The following RAB8B variants were observed in gnomAD, a reference collection of about 807,000 sequenced individuals.
The protein encoded by RAB8B is ras-related protein Rab-8B.
In RAB8B, 11 loss-of-function variants were observed where a neutral mutation model predicts 32.0. The ratio of observed to expected loss-of-function variants is 0.34; its 90% CI spans 0.22 to 0.57. The LOEUF (loss-of-function observed/expected upper bound fraction) is 0.57. Among genes scored for constraint, RAB8B ranks in the 20% least tolerant of loss-of-function variants. The probability of loss-of-function intolerance (pLI) is 0.86; values close to 1 mark genes in which losing one functional copy is unlikely to be tolerated. For missense variants in RAB8B, 190 were observed against 258.5 expected, an observed-to-expected ratio of 0.73 and a Z score of 1.82; for synonymous variants, 103 against 89.6, an observed-to-expected ratio of 1.15 and a Z score of -0.85.
chr15:63,255,354 G>C (rs2038150889), intron 3 of RAB8B, among the ~76,000 whole-genome samples, 153 bp from the exon 4 acceptor site: 1 of 152,036 alleles, frequency 6.6e-6, no homozygotes, highest in Non-Finnish European at 1.5e-5. Flanking sequence ...ATTGATTTTT[G>C]TTTCTCTGTA....
chr15:63,202,273 G>A (rs757853233), intron 1 of RAB8B, among the ~76,000 whole-genome samples: 13 of 101,822 alleles, frequency 1.3e-4, no homozygotes, highest in African/African-American at 3.5e-4. Context: ...GCGAGACTCC[G>A]TCTCAAAAAG....
chr15:63,262,757 T>C lies in RAB8B; in HGVS notation c.531+15T>C, dbSNP rs760703211. On this transcript the variant is annotated intron_variant, in intron 7 of 7. Transcript: ENST00000321437. ...ACAGAAAAATGGTTTGTATCACTTA[T>C]AATTTTTATTTCCATTATGCTGTCT... 4.4e-6 allele frequency: 6 copies of C among 1,355,992 alleles called. No individual in the cohort carries two copies. The highest frequency in any genetic ancestry group is 2.8e-5 in the Admixed American group (1 of 35,188). 84.0% of individuals were successfully genotyped at this position (1,355,992 alleles called of 1,614,324 possible). A position where few individuals can be genotyped will look rare whatever the true frequency, so the allele number is the denominator to read the frequency against.
At chr15:63,227,213 G>C (rs1227646617) in intron 1 of RAB8B, among the ~76,000 whole-genome samples, 3 of 152,166 alleles carry the variant, frequency 2.0e-5, no homozygotes. Context: ...CCCAGCTCCT[G>C]TTTAAGATGG....
At chr15:63,204,622 A>C (rs573918246) in intron 1 of RAB8B, among the ~76,000 whole-genome samples, 13 of 152,318 alleles carry the variant, frequency 8.5e-5, no homozygotes, top group Non-Finnish European at 1.8e-4. Flanking sequence ...TTAAATCTTA[A>C]AACATGGTAG....
intron 1 of RAB8B, among the ~76,000 whole-genome samples, chr15:63,219,016 T>A (rs2037818787): frequency 7.1e-6 from 1 of 141,750 alleles, no homozygotes; most frequent in Admixed American, 7.1e-5. Flanking sequence ...TTTTTTTTTT[T>A]TTTTTTTTTT....
chr15:63,259,566 C>T lies in RAB8B; in HGVS notation c.415-61C>T. 7.0e-7 allele frequency: 1 copy of T among 1,421,368 alleles called. No homozygotes were observed. The highest frequency in any genetic ancestry group is 9.9e-7 in the Non-Finnish European group (1 of 1,011,072). 88.0% of individuals were successfully genotyped at this position (1,421,368 alleles called of 1,614,324 possible). A position where few individuals can be genotyped will look rare whatever the true frequency, so the allele number is the denominator to read the frequency against. ...GAGACTTTGAAAAACCTAAGAAATACAAATGCATTATGTGTTCAAGTATCT... is the reference window on the plus strand; with the variant it reads ...GAGACTTTGAAAAACCTAAGAAATATAAATGCATTATGTGTTCAAGTATCT... On this transcript the variant is annotated intron_variant, in intron 5 of 7. Coordinates refer to ENST00000321437, the MANE Select transcript of RAB8B (RefSeq NM_016530.3). This position sits in a 1 kb window ranked among gnomAD's most constrained non-coding sequence, Gnocchi z 4.4.
At chr15:63,244,645 C>A in intron 1 of RAB8B, 111 bp from the exon 2 acceptor site, 1 of 786,380 alleles carries the variant, frequency 1.3e-6, no homozygotes, top group Non-Finnish European at 2.1e-6. Context: ...TCTGTGTTCA[C>A]ATTTTCCAGT....
intron 2 of RAB8B, among the ~76,000 whole-genome samples, chr15:63,245,887 T>C (rs2038066842): frequency 6.6e-6 from 1 of 152,234 alleles, no homozygotes; most frequent in African/African-American, 2.4e-5. Context: ...AAATTTTTTT[T>C]TTGAGACAGA....
intron 1 of RAB8B, among the ~76,000 whole-genome samples, chr15:63,225,432 G>A (rs921084027): frequency 2.0e-5 from 3 of 152,132 alleles, no homozygotes; most frequent in South Asian, 2.1e-4. Context: ...TAAACAACAT[G>A]AAAAGTTACT....
intron 1 of RAB8B, among the ~76,000 whole-genome samples, chr15:63,190,562 A>G (rs1191453526): frequency 1.3e-5 from 2 of 152,180 alleles, no homozygotes; most frequent in African/African-American, 4.8e-5. Context: ...ACTGATTACC[A>G]TTTTCTCTTC....
At chr15:63,255,946 A>G (rs1444023861) in intron 4 of RAB8B, among the ~76,000 whole-genome samples, 1 of 152,244 alleles carries the variant, frequency 6.6e-6, no homozygotes, top group Non-Finnish European at 1.5e-5. Context: ...CTATCCCACC[A>G]TGCTGTTTGG....
rs1476162407 is a variant in RAB8B at position 63,252,740 on chromosome 15, T to C, written c.247-2767T>C. Among the ~76,000 whole-genome samples the C allele has an allele frequency of 2.0e-5, 3 of 151,944 alleles. No individual in the cohort carries two copies. The East Asian group carries it at 5.8e-4, about 29-fold the overall frequency. ...GACCATTTTAAAATGTATAGTTCTTTACTTTGACTTTTTTTTTTTTTTTTT... is the reference window on the plus strand; with the variant it reads ...GACCATTTTAAAATGTATAGTTCTTCACTTTGACTTTTTTTTTTTTTTTTT... On this transcript the variant is annotated intron_variant, in intron 3 of 7. Transcript: ENST00000321437.
intron 1 of RAB8B, chr15:63,223,753 C>T (rs972609715): frequency 3.8e-6 from 1 of 264,142 alleles, no homozygotes; most frequent in Non-Finnish European, 7.9e-6. Flanking sequence ...TGACACATGA[C>T]TGTATTTGAT....
At chr15:63,231,648 C>A (rs1019374544) in intron 1 of RAB8B, among the ~76,000 whole-genome samples, 3 of 152,056 alleles carry the variant, frequency 2.0e-5, no homozygotes, top group Admixed American at 1.3e-4. Flanking sequence ...GGTTTTCCTG[C>A]TACAAAGGTA....
chr15:63,244,851 T>A (rs752953496), intron 2 of RAB8B, 35 bp downstream of exon 2: 6 of 1,496,506 alleles, frequency 4.0e-6, no homozygotes, highest in Non-Finnish European at 5.5e-6. Context: ...TCTGCTTTAA[T>A]TGGGAATTGA....
At chr15:63,261,555 G>T (rs1255427124) in intron 6 of RAB8B, among the ~76,000 whole-genome samples, 1 of 152,150 alleles carries the variant, frequency 6.6e-6, no homozygotes, top group Non-Finnish European at 1.5e-5. Flanking sequence ...GCAACAGTAT[G>T]GATAGAACTC....
intron 1 of RAB8B, among the ~76,000 whole-genome samples, chr15:63,207,378 C>T (rs1302727583): frequency 1.3e-5 from 2 of 152,140 alleles, no homozygotes; most frequent in East Asian, 3.9e-4. Flanking sequence ...TCTGTCTCCT[C>T]CTCTTCCCGG....
At chr15:63,205,508 C>CA (rs1299717944) in intron 1 of RAB8B, among the ~76,000 whole-genome samples, 6 of 151,374 alleles carry the variant, frequency 4.0e-5, no homozygotes, top group Non-Finnish European at 7.4e-5. Context: ...AAAAAACAAA[C>CA]AAAAAAAATA....
At chr15:63,213,733 T>A (rs1248132199) in intron 1 of RAB8B, among the ~76,000 whole-genome samples, 1 of 152,140 alleles carries the variant, frequency 6.6e-6, no homozygotes, top group Admixed American at 6.5e-5. Context: ...TCCAAATAAT[T>A]TTCTACATTT....
Sources: allele counts gnomAD v4.1 joint callset (sites outside exome capture counted in the v4.1 genomes callset), GRCh38; gene constraint gnomAD v4.1.1; non-coding constraint Gnocchi (gnomAD v3.1); transcripts MANE v1.5; gene names NCBI Gene and HGNC (gene_info 2026-07-23, HGNC 2026-07-21).